HOMER2: variants seen among roughly 807,000 people sequenced by gnomAD.
The protein encoded by HOMER2 is homer scaffold protein 2, also known as homer protein homolog 2.
In HOMER2, 27 loss-of-function variants were observed where a neutral mutation model predicts 47.0. That is an observed-to-expected ratio of 0.57 (90% CI 0.42 to 0.79). HOMER2 has a LOEUF of 0.79. HOMER2 is among the 30% of genes least tolerant of loss of function. The probability of loss-of-function intolerance (pLI) is 0.00; values close to 1 mark genes in which losing one functional copy is unlikely to be tolerated. For missense variants in HOMER2, 443 were observed against 435.0 expected (o/e 1.02, Z -0.16); for synonymous variants, 161 against 163.8 (o/e 0.98, Z 0.13).
At chr15:82,841,154 G>A (rs1448775593) in exon 2 of HOMER2, 1 of 152,030 alleles carries the variant, frequency 6.6e-6, no homozygotes, top group African/African-American at 2.4e-5. Flanking sequence ...AGAAAGTACA[G>A]ATAAGAAACA....
intron 2 of HOMER2, 39 bp from the exon 3 acceptor site, chr15:82,875,443 T>C (rs771679407): frequency 3.5e-5 from 57 of 1,608,424 alleles, no homozygotes; most frequent in Non-Finnish European, 4.8e-5. Context: ...ATTTAAATGT[T>C]GAATGAGACA....
downstream of HOMER2, chr15:82,835,919 T>A (rs531408322): frequency 6.6e-6 from 1 of 152,386 alleles, no homozygotes; most frequent in Non-Finnish European, 1.5e-5. Context: ...ACTTTTCTTA[T>A]GCATATTTTG....
At position 82,867,847 on chromosome 15, in the gene HOMER2, A is replaced by G. The variant is rs552386041; in HGVS notation, c.295-3588T>C. ...CCCTCAATACCAAGATGTTAATTCC[A>G]GCATTGTCTACAAATATGGAACACT... On this transcript the variant is annotated intron_variant, in intron 3 of 8. Transcript: ENST00000450735. 3.0e-4 allele frequency among the ~76,000 whole-genome samples: 46 copies of G among 152,346 alleles called. 1 individual carries two copies. Among genetic ancestry groups the G allele is most frequent in the Middle Eastern group, 6.8e-3 (2 of 294 alleles).
chr15:82,915,755 A>G (rs917297868), intron 1 of HOMER2, among the ~76,000 whole-genome samples: 2 of 152,218 alleles, frequency 1.3e-5, no homozygotes, highest in African/African-American at 2.4e-5. Flanking sequence ...AAAGTGATAA[A>G]TAAGGATATA....
exon 2 of HOMER2, chr15:82,838,045 CAAG>C (rs920255411): frequency 2.0e-5 from 3 of 152,714 alleles, no homozygotes; most frequent in African/African-American, 2.4e-5. Flanking sequence ...ACAGCATAAG[CAAG>C]AAGAACACAG....
intron 2 of HOMER2, among the ~76,000 whole-genome samples, chr15:82,879,277 C>T (rs2151078303): frequency 6.6e-6 from 1 of 152,312 alleles, no homozygotes; most frequent in East Asian, 1.9e-4. Context: ...AGATGGATTG[C>T]TCGAGCCCAA....
chr15:82,879,294 G>A lies in HOMER2; in HGVS notation c.163-3890C>T, dbSNP rs923984962. Among the ~76,000 whole-genome samples, 5 of 152,120 alleles carry A rather than the reference G, an allele frequency of 3.3e-5. No individual in the cohort carries two copies. The East Asian group carries it at 5.8e-4, about 18-fold the overall frequency. On this transcript the variant is annotated intron_variant, in intron 2 of 8. Coordinates refer to ENST00000450735, the MANE Select transcript of HOMER2 (RefSeq NM_004839.4). ...ATGGATTGCTCGAGCCCAAGAGTTC[G>A]AGACCAGCCTGGACAACATGGCAAA...
chr15:82,965,437 GAAGT>G (rs2054665033), intron 1 of HOMER2, among the ~76,000 whole-genome samples: 1 of 152,216 alleles, frequency 6.6e-6, no homozygotes, highest in South Asian at 2.1e-4. Flanking sequence ...TGACCTAATA[GAAGT>G]AAGCAGTTGC....
chr15:82,856,433 T>C (rs549804000), intron 5 of HOMER2, among the ~76,000 whole-genome samples: 3 of 151,992 alleles, frequency 2.0e-5, no homozygotes, highest in African/African-American at 7.2e-5. Context: ...CTGGGCAACA[T>C]AGCAAGACCT....
chr15:82,967,785 G>A (rs1453139048), intron 1 of HOMER2, among the ~76,000 whole-genome samples: 2 of 151,888 alleles, frequency 1.3e-5, no homozygotes, highest in Non-Finnish European at 2.9e-5. Flanking sequence ...GCTGAGGCAG[G>A]AGAATCACTT....
intron 3 of HOMER2, among the ~76,000 whole-genome samples, chr15:82,867,082 T>C (rs941875279): frequency 3.9e-5 from 6 of 152,116 alleles, no homozygotes; most frequent in East Asian, 1.9e-4. Context: ...CAACATATAA[T>C]TGAGATAACT....
chr15:82,903,162 C>T (rs1238571817), intron 1 of HOMER2, among the ~76,000 whole-genome samples: 2 of 152,192 alleles, frequency 1.3e-5, no homozygotes, highest in African/African-American at 4.8e-5. Flanking sequence ...ATTACTGAGG[C>T]ACTTCGCAAT....
intron 5 of HOMER2, among the ~76,000 whole-genome samples, chr15:82,856,795 C>T (rs2051602791): frequency 6.6e-6 from 1 of 152,144 alleles, no homozygotes; most frequent in Non-Finnish European, 1.5e-5. Context: ...CACAGCCGGG[C>T]CAGCTGAGTT....
At position 82,849,898 on chromosome 15, in the gene HOMER2, T is replaced by C; in HGVS notation, c.849A>G (p.Ala283=). 1.2e-6 allele frequency: 2 copies of C among 1,613,528 alleles called. No homozygotes were observed. The highest frequency in any genetic ancestry group is 1.7e-6 in the Non-Finnish European group (2 of 1,179,558). The change falls in exon 9 of 9, where the codon GCA becomes GCG. Residue 283 remains alanine (A), a synonymous_variant. Transcript: ENST00000450735. ...CEYVSEKLEA[A]ERDNQNLEDK... ...CTTCCAGGTTTTGATTGTCTCTCTCTGCCGCCTGGCCAAGCAAAAGGGAGA... is the reference window on the plus strand; with the variant it reads ...CTTCCAGGTTTTGATTGTCTCTCTCCGCCGCCTGGCCAAGCAAAAGGGAGA...
chr15:82,934,419 C>T (rs868273750), intron 1 of HOMER2, among the ~76,000 whole-genome samples: 1 of 152,152 alleles, frequency 6.6e-6, no homozygotes, highest in Non-Finnish European at 1.5e-5. Flanking sequence ...GTGACCCTCA[C>T]CCACAGCCAT....
At chr15:82,983,967 C>A (rs911294741) in intron 1 of HOMER2, among the ~76,000 whole-genome samples, 5 of 152,034 alleles carry the variant, frequency 3.3e-5, no homozygotes, top group Admixed American at 1.3e-4. Flanking sequence ...TACTATTTAG[C>A]GCACTATAGC....
Position 82,875,264 on chromosome 15 carries a change from C to T in HOMER2, c.294+9G>A, listed in dbSNP as rs1304109300. ...GGGATTTACTGCACTGTGGATAGGA[C>T]CAAGTTACCTTTGTCAGCTGCTGCT... On this transcript the variant is annotated intron_variant, in intron 3 of 8. Coordinates refer to ENST00000450735, the MANE Select transcript of HOMER2 (RefSeq NM_004839.4). The T allele has an allele frequency of 7.4e-6, 12 of 1,612,688 alleles. No homozygotes were observed. In the African/African-American group the frequency reaches 8.0e-5, roughly 11 times the overall value.
chr15:82,912,127 T>C (rs1452355916), intron 1 of HOMER2, among the ~76,000 whole-genome samples: 2 of 152,232 alleles, frequency 1.3e-5, no homozygotes. Flanking sequence ...AAATCTACCT[T>C]TTTAAAGTCC....
rs551942394 is a variant in HOMER2, at chr15:82,865,804, G to A, written c.295-1545C>T. Among the ~76,000 whole-genome samples, 22 of 152,348 alleles carry A rather than the reference G, an allele frequency of 1.4e-4. No individual in the cohort carries two copies. The South Asian group carries it at 3.5e-3, about 24-fold the overall frequency. ...AAAGCCTTGGCAGCTTCCACATGGCGTTGGGCCTGCAGGTACACAGAAGTC... is the reference window on the plus strand; with the variant it reads ...AAAGCCTTGGCAGCTTCCACATGGCATTGGGCCTGCAGGTACACAGAAGTC... On this transcript the variant is annotated intron_variant, in intron 3 of 8. Transcript: ENST00000450735.
Sources: allele counts gnomAD v4.1 joint callset (sites outside exome capture counted in the v4.1 genomes callset), GRCh38; gene constraint gnomAD v4.1.1; transcripts MANE v1.5; gene names NCBI Gene and HGNC (gene_info 2026-07-23, HGNC 2026-07-21).